EIF4E: variants seen among roughly 807,000 people sequenced by gnomAD.
EIF4E encodes the protein eIF-4F 25 kDa subunit.
For synonymous variants in EIF4E, 71 were observed against 88.5 expected (o/e 0.80, Z 1.11); for missense variants, 113 against 265.6 (o/e 0.43, Z 3.99).
intron 1 of EIF4E, among the ~76,000 whole-genome samples, chr4:98,904,045 T>C (rs1420757628): frequency 6.6e-6 from 1 of 152,108 alleles, no homozygotes; most frequent in African/African-American, 2.4e-5. Context: ...CTCCTCAATA[T>C]ATGTAAAAAT....
chr4:98,927,407 G>A (rs1725918822), intron 1 of EIF4E, among the ~76,000 whole-genome samples: 1 of 152,108 alleles, frequency 6.6e-6, no homozygotes, highest in Admixed American at 6.5e-5. Context: ...TGTAATCCCA[G>A]CACTTTGGGA....
chr4:98,888,044 A>T, intron 3 of EIF4E, 92 bp from the exon 4 acceptor site: 1 of 1,086,230 alleles, frequency 9.2e-7, no homozygotes, highest in Non-Finnish European at 1.3e-6. Context: ...ATATGATGAA[A>T]ATAAACAGAT....
At position 98,887,222 on chromosome 4, in the gene EIF4E, C is replaced by T. The variant is rs745355493; in HGVS notation, c.286-30G>A. ...AGGGTTAGAAGACAACAGTATTACA[C>T]AACATTGTTACCTTGACTTTGAGAG... On this transcript the variant is annotated intron_variant, in intron 4 of 6. Transcript: ENST00000450253. The surrounding 1 kb of genome is among the most constrained non-coding windows in gnomAD (Gnocchi z 4.0). The T allele has an allele frequency of 6.3e-7, 1 of 1,596,772 alleles. No individual in the cohort carries two copies.
At position 98,899,427 on chromosome 4, in the gene EIF4E, A is replaced by C. The variant is rs187335639; in HGVS notation, c.125+2449T>G. ...TTGGCAACAACTTAAAAGACTAATC[A>C]CATGAGTTAGCAAGGATATAGAAAC... On this transcript the variant is annotated intron_variant, in intron 2 of 6. Transcript: ENST00000450253. Among the ~76,000 whole-genome samples, 13 of 152,320 alleles carry C rather than the reference A, an allele frequency of 8.5e-5. No homozygotes were observed. The East Asian group carries it at 2.3e-3, about 27-fold the overall frequency.
At chr4:98,904,748 G>A (rs1219847259) in intron 1 of EIF4E, among the ~76,000 whole-genome samples, 1 of 152,160 alleles carries the variant, frequency 6.6e-6, no homozygotes, top group African/African-American at 2.4e-5. Context: ...TCCAGCCTGG[G>A]CGACAAGAGC....
intron 1 of EIF4E, chr4:98,926,107 A>C (rs1377049281): frequency 6.6e-6 from 1 of 152,038 alleles, no homozygotes. Context: ...TTGAGGCTGC[A>C]GTGAGCTATG....
chr4:98,881,263 T>C (rs1471619383), intron 6 of EIF4E, 121 bp from the exon 7 acceptor site: 4 of 1,463,288 alleles, frequency 2.7e-6, no homozygotes, highest in African/African-American at 1.4e-5. Flanking sequence ...GAGAATAAAA[T>C]AGGAAATTAA....
intron 5 of EIF4E, among the ~76,000 whole-genome samples, chr4:98,886,085 T>C (rs1215304202): frequency 6.6e-6 from 1 of 151,824 alleles, no homozygotes; most frequent in Non-Finnish European, 1.5e-5. Context: ...CCCAGGAGGC[T>C]ACAGTGAGCT....
intron 1 of EIF4E, among the ~76,000 whole-genome samples, chr4:98,916,533 A>G (rs1410270409): frequency 1.3e-5 from 2 of 152,212 alleles, no homozygotes; most frequent in African/African-American, 2.4e-5. Context: ...ACACAGTACA[A>G]TGGATGAAAA....
At chr4:98,899,455 G>A (rs528505163) in intron 2 of EIF4E, among the ~76,000 whole-genome samples, 18 of 152,254 alleles carry the variant, frequency 1.2e-4, no homozygotes, top group African/African-American at 4.3e-4. Context: ...ATAGAAACCA[G>A]GAACTCTCAA....
At chr4:98,901,765 AC>A (rs2110198893) in intron 2 of EIF4E, 110 bp downstream of exon 2, 2 of 1,016,722 alleles carry the variant, frequency 2.0e-6, no homozygotes, top group South Asian at 2.6e-5. Context: ...AGAACCCTCA[AC>A]CTTAGCATAT....
At chr4:98,928,706 G>A (rs1721336992) in intron 1 of EIF4E, among the ~76,000 whole-genome samples, 4 of 152,102 alleles carry the variant, frequency 2.6e-5, no homozygotes, top group Admixed American at 2.0e-4. Flanking sequence ...CCGGCTCGCC[G>A]CCCACCCTGC....
intron 2 of EIF4E, among the ~76,000 whole-genome samples, chr4:98,901,418 C>T (rs1230397783): frequency 6.6e-6 from 1 of 152,084 alleles, no homozygotes; most frequent in Non-Finnish European, 1.5e-5. Context: ...AGGTTGGTCT[C>T]AAACTCCTGA....
At chr4:98,898,692 A>C (rs1716505033) in intron 2 of EIF4E, among the ~76,000 whole-genome samples, 1 of 152,182 alleles carries the variant, frequency 6.6e-6, no homozygotes, top group Admixed American at 6.5e-5. Context: ...TTTCTAAACG[A>C]ATAATTTTAC....
chr4:98,882,215 A>AC (rs1281671864), intron 6 of EIF4E, among the ~76,000 whole-genome samples: 2 of 151,098 alleles, frequency 1.3e-5, no homozygotes, highest in Non-Finnish European at 3.0e-5. Flanking sequence ...ACATGGTGAA[A>AC]CCCCGCCTCT....
Position 98,928,380 on chromosome 4 carries a change from T to C in EIF4E, c.18+715A>G, listed in dbSNP as rs200561754. On this transcript the variant is annotated intron_variant, in intron 1 of 6. Coordinates refer to ENST00000450253, the MANE Select transcript of EIF4E (RefSeq NM_001968.5). ...CCATCCCTCATTCTACTTGGAGAGC[T>C]TCACCGTGACACACGAGTGTTCCTT... 2.6e-3 allele frequency among the ~76,000 whole-genome samples: 388 copies of C among 152,114 alleles called. 3 individuals are homozygous for C. The highest frequency in any genetic ancestry group is 8.4e-3 in the African/African-American group (347 of 41,500).
At chr4:98,883,673 G>A (rs1018750765) in intron 6 of EIF4E, among the ~76,000 whole-genome samples, 1 of 151,880 alleles carries the variant, frequency 6.6e-6, no homozygotes, top group Non-Finnish European at 1.5e-5. Flanking sequence ...AAAGTGCTGC[G>A]ATTACAGGTG....
chr4:98,919,939 G>A (rs531021808), intron 1 of EIF4E, among the ~76,000 whole-genome samples: 1 of 152,276 alleles, frequency 6.6e-6, no homozygotes, highest in Non-Finnish European at 1.5e-5. Context: ...ATTAAATAAA[G>A]TTTAAAATTT....
rs199691119 is a variant in EIF4E at position 98,924,080 on chromosome 4, TA to T, written c.18+5014del. Among the ~76,000 whole-genome samples, 34 of 141,992 alleles carry T rather than the reference TA, an allele frequency of 2.4e-4. 1 individual carries two copies. Among genetic ancestry groups the T allele is most frequent in the East Asian group, 7.7e-4 (4 of 5,178 alleles). The allele number at this position is 141,992 out of a possible 152,430, so 93.2% of individuals were successfully genotyped here. A position where few individuals can be genotyped will look rare whatever the true frequency, so the allele number is the denominator to read the frequency against. Reference sequence around the variant, plus strand: ...ATAGATTAAGGAAACTTCTTTTGTTTATTTTTTTTTTTTTTGAGACGGAGTC... The same window carrying T: ...ATAGATTAAGGAAACTTCTTTTGTTTTTTTTTTTTTTTTTGAGACGGAGTC... On this transcript the variant is annotated intron_variant, in intron 1 of 6. Transcript: ENST00000450253.
Sources: gnomAD v4.1 joint callset for allele counts (sites outside exome capture counted in the v4.1 genomes callset) on GRCh38, gnomAD v4.1.1 for gene constraint, Gnocchi (gnomAD v3.1) non-coding constraint, MANE v1.5 for transcripts, NCBI Gene and HGNC (gene_info 2026-07-23, HGNC 2026-07-21) for gene names.